The following SLC13A1 variants were observed in gnomAD, a reference collection of about 807,000 sequenced individuals.
The protein encoded by SLC13A1 is Na(+)/sulfate cotransporter.
In SLC13A1, 65 loss-of-function variants were observed where a neutral mutation model predicts 70.0. The observed-to-expected ratio is 0.93, with a 90% CI of 0.76 to 1.14. The LOEUF is 1.14. Ranked by LOEUF, SLC13A1 falls within the 50% of genes most tolerant of loss-of-function variation. The pLI, the probability that SLC13A1 is intolerant of heterozygous loss-of-function variation, is 0.00. For missense variants in SLC13A1, 726 were observed against 717.8 expected (o/e 1.01, Z -0.13); for synonymous variants, 275 against 250.5 (o/e 1.10, Z -0.92).
intron 3 of SLC13A1, among the ~76,000 whole-genome samples, chr7:123,170,051 C>A (rs1795216586): frequency 6.6e-6 from 1 of 152,128 alleles, no homozygotes; most frequent in East Asian, 1.9e-4. Context: ...AAATAATATA[C>A]CTAAGACTAC....
chr7:123,143,185 T>A (rs762667441), intron 7 of SLC13A1, among the ~76,000 whole-genome samples: 1 of 152,140 alleles, frequency 6.6e-6, no homozygotes, highest in Non-Finnish European at 1.5e-5. Context: ...CTGTGCAACC[T>A]GGAGTTAGTG....
At chr7:123,183,406 T>C (rs753345389) in intron 1 of SLC13A1, among the ~76,000 whole-genome samples, 3 of 152,130 alleles carry the variant, frequency 2.0e-5, no homozygotes, top group Non-Finnish European at 2.9e-5. Flanking sequence ...CCTTTAGAGA[T>C]TGACTTGTAT....
intron 7 of SLC13A1, among the ~76,000 whole-genome samples, chr7:123,144,709 G>A (rs547557157): frequency 2.6e-5 from 4 of 152,204 alleles, no homozygotes; most frequent in South Asian, 4.2e-4. Context: ...CCCATAACAC[G>A]GAGATGTGCT....
chr7:123,135,985 C>A (rs539776658), intron 7 of SLC13A1, among the ~76,000 whole-genome samples: 106 of 152,258 alleles, frequency 7.0e-4, no homozygotes, highest in African/African-American at 2.3e-3. Context: ...TGTTTGTTGT[C>A]TCCAATTGGA....
At chr7:123,124,380 A>G (rs908810078) in intron 11 of SLC13A1, among the ~76,000 whole-genome samples, 2 of 152,170 alleles carry the variant, frequency 1.3e-5, no homozygotes, top group Non-Finnish European at 2.9e-5. Context: ...ACACATTGAG[A>G]TATTCTAATC....
chr7:123,117,437 T>C (rs1294452324), intron 14 of SLC13A1, 34 bp downstream of exon 14: 2 of 1,602,306 alleles, frequency 1.2e-6, no homozygotes, highest in Non-Finnish European at 8.5e-7. Flanking sequence ...AAGATGTGTA[T>C]TGGATTTGAT....
intron 11 of SLC13A1, among the ~76,000 whole-genome samples, chr7:123,123,687 A>T (rs1418425545): frequency 2.6e-5 from 4 of 152,184 alleles, no homozygotes. Context: ...ACATTTTATT[A>T]GTTTTTAGGT....
chr7:123,168,654 A>G lies in SLC13A1; in HGVS notation c.554-93T>C, dbSNP rs991978110. The G allele has an allele frequency of 6.8e-6, 6 of 880,652 alleles. No individual in the cohort carries two copies. The African/African-American group carries it at 8.5e-5, about 12-fold the overall frequency. 54.6% of individuals were successfully genotyped at this position (880,652 alleles called of 1,614,324 possible). ...GATGCGAAGATGGAAGCATTAGTAG[A>G]AATTGAAAATAAAAAATTCACTGTG... On this transcript the variant is annotated intron_variant, in intron 4 of 14. Transcript: ENST00000194130.
At chr7:123,131,143 C>A (rs528413342) in intron 8 of SLC13A1, among the ~76,000 whole-genome samples, 179 of 152,276 alleles carry the variant, frequency 1.2e-3, no homozygotes, top group African/African-American at 4.0e-3. Flanking sequence ...CATGCATACA[C>A]TTCAATGCCT....
chr7:123,118,102 T>C (rs867312003), intron 13 of SLC13A1, among the ~76,000 whole-genome samples: 5 of 152,154 alleles, frequency 3.3e-5, no homozygotes, highest in African/African-American at 1.2e-4. Context: ...TGTCCGAGCA[T>C]ACAGCTGGTG....
intron 1 of SLC13A1, among the ~76,000 whole-genome samples, chr7:123,184,047 T>C (rs2116630826): frequency 6.6e-6 from 1 of 152,206 alleles, no homozygotes; most frequent in Middle Eastern, 3.4e-3. Context: ...TTGTGAAAAT[T>C]GCCCCCTTTT....
chr7:123,174,467 A>G (rs1010774339), intron 2 of SLC13A1, among the ~76,000 whole-genome samples: 2 of 152,208 alleles, frequency 1.3e-5, no homozygotes, highest in Admixed American at 6.6e-5. Context: ...TTCACTTCCA[A>G]TATAAGTCCT....
chr7:123,192,874 T>C (rs1796044874), intron 1 of SLC13A1, among the ~76,000 whole-genome samples: 1 of 152,136 alleles, frequency 6.6e-6, no homozygotes, highest in Admixed American at 6.6e-5. Flanking sequence ...TAAGTTCAAC[T>C]ACAAAGTCAA....
At chr7:123,156,600 T>C (rs908123949) in intron 6 of SLC13A1, among the ~76,000 whole-genome samples, 1 of 152,150 alleles carries the variant, frequency 6.6e-6, no homozygotes, top group Admixed American at 6.6e-5. Flanking sequence ...GATTATGTTA[T>C]TTAATTAAAC....
intron 6 of SLC13A1, chr7:123,148,581 G>T: frequency 2.7e-6 from 1 of 367,274 alleles, no homozygotes; most frequent in Middle Eastern, 3.7e-4. Flanking sequence ...TTCCTGTGGC[G>T]AAATTCAAAG....
intron 7 of SLC13A1, among the ~76,000 whole-genome samples, chr7:123,141,477 T>A (rs948991036): frequency 7.9e-5 from 12 of 152,176 alleles, no homozygotes; most frequent in Non-Finnish European, 1.6e-4. Flanking sequence ...ATTTTCTGTT[T>A]GGAAGGTCCA....
At chr7:123,142,280 G>C (rs369146562) in intron 7 of SLC13A1, among the ~76,000 whole-genome samples, 138 of 152,114 alleles carry the variant, frequency 9.1e-4, no homozygotes, top group African/African-American at 3.1e-3. Context: ...AAGGTCCGAG[G>C]GCTCTTCAGT....
chr7:123,162,103 T>C (rs555566149), intron 6 of SLC13A1, among the ~76,000 whole-genome samples: 1 of 151,454 alleles, frequency 6.6e-6, no homozygotes, highest in African/African-American at 2.4e-5. Flanking sequence ...AAATAAAATA[T>C]AGTATTCAAA....
At chr7:123,163,300 G>A (rs1464900357) in intron 6 of SLC13A1, among the ~76,000 whole-genome samples, 2 of 151,970 alleles carry the variant, frequency 1.3e-5, no homozygotes, top group Non-Finnish European at 2.9e-5. Flanking sequence ...GCTACTTTTA[G>A]GGGGTAATGT....
Sources: gnomAD v4.1 joint callset for allele counts (sites outside exome capture counted in the v4.1 genomes callset) on GRCh38, gnomAD v4.1.1 for gene constraint, MANE v1.5 for transcripts, NCBI Gene and HGNC (gene_info 2026-07-23, HGNC 2026-07-21) for gene names.